Variants in PUS7 observed in about 807,000 individuals in gnomAD.
The protein encoded by PUS7 is pseudouridylate synthase 7 homolog.
In PUS7, 48 loss-of-function variants were observed where a neutral mutation model predicts 79.8. That is an observed-to-expected ratio of 0.60 (90% CI 0.48 to 0.76). The LOEUF is 0.76. Among genes scored for constraint, PUS7 ranks in the 30% least tolerant of loss-of-function variants. The probability of loss-of-function intolerance (pLI) is 0.00; values close to 1 mark genes in which losing one functional copy is unlikely to be tolerated. For synonymous variants in PUS7, 286 were observed against 272.2 expected, an observed-to-expected ratio of 1.05 and a Z score of -0.50; for missense variants, 729 against 797.6, an observed-to-expected ratio of 0.91 and a Z score of 1.04.
At chr7:105,520,541 A>C (rs1226831186) in intron 1 of PUS7, among the ~76,000 whole-genome samples, 1 of 149,824 alleles carries the variant, frequency 6.7e-6, no homozygotes, top group Non-Finnish European at 1.5e-5. Flanking sequence ...TAAATAAATA[A>C]ATAAATAAAT....
intron 5 of PUS7, among the ~76,000 whole-genome samples, chr7:105,497,300 C>T (rs1825077736): frequency 6.6e-6 from 1 of 152,134 alleles, no homozygotes; most frequent in Non-Finnish European, 1.5e-5. Context: ...GTAAATGCTT[C>T]CCCAAAAAGA....
chr7:105,483,769 T>A (rs768010755), intron 7 of PUS7, among the ~76,000 whole-genome samples: 10 of 152,180 alleles, frequency 6.6e-5, no homozygotes, highest in Non-Finnish European at 1.5e-4. Context: ...GTGTTGGGAT[T>A]ACAGCCATGA....
intron 12 of PUS7, among the ~76,000 whole-genome samples, chr7:105,468,036 G>C (rs945383581): frequency 1.3e-5 from 2 of 151,464 alleles, no homozygotes; most frequent in African/African-American, 4.9e-5. Flanking sequence ...GGGTTCAAGC[G>C]ATTCTTCTGC....
intron 1 of PUS7, among the ~76,000 whole-genome samples, chr7:105,515,791 TTTTATTTATTTA>T (rs57686149): frequency 1.6e-5 from 2 of 121,240 alleles, no homozygotes; most frequent in African/African-American, 6.4e-5. Flanking sequence ...TTTTATTTTA[TTTTATTTATTTA>T]TTTATTTATT....
chr7:105,495,333 T>C (rs1032998882), intron 5 of PUS7, 80 bp from the exon 6 acceptor site: 5 of 802,300 alleles, frequency 6.2e-6, no homozygotes, highest in Non-Finnish European at 1.0e-5. Context: ...CTATAGAACC[T>C]TTGAGTGGAA....
At chr7:105,464,389 G>T (rs1823553872) in intron 13 of PUS7, among the ~76,000 whole-genome samples, 1 of 152,188 alleles carries the variant, frequency 6.6e-6, no homozygotes, top group Admixed American at 6.5e-5. Context: ...AGCTGTGTCG[G>T]TGAGGGTGTT....
At chr7:105,517,340 T>C (rs1442023833) in intron 1 of PUS7, among the ~76,000 whole-genome samples, 1 of 151,906 alleles carries the variant, frequency 6.6e-6, no homozygotes, top group East Asian at 1.9e-4. Context: ...TTTGTATTTT[T>C]AGTAGAGACG....
At chr7:105,499,452 A>T (rs370765454) in intron 5 of PUS7, among the ~76,000 whole-genome samples, 6 of 152,284 alleles carry the variant, frequency 3.9e-5, no homozygotes, top group African/African-American at 1.2e-4. Context: ...TTTTTTTTAC[A>T]TAAGTCTTTA....
chr7:105,485,268 G>T (rs893416073), intron 7 of PUS7, among the ~76,000 whole-genome samples: 1 of 152,184 alleles, frequency 6.6e-6, no homozygotes, highest in Non-Finnish European at 1.5e-5. Flanking sequence ...GGAGCGCAAT[G>T]GCGCGATCTT....
At chr7:105,459,134 A>T in intron 15 of PUS7, 34 bp downstream of exon 15, 1 of 1,353,494 alleles carries the variant, frequency 7.4e-7, no homozygotes, top group Non-Finnish European at 1.0e-6. Context: ...AACATTTCAA[A>T]GTCAACACAG....
At chr7:105,469,812 C>T (rs143881655) in intron 11 of PUS7, among the ~76,000 whole-genome samples, 2 of 152,242 alleles carry the variant, frequency 1.3e-5, no homozygotes, top group East Asian at 1.9e-4. Flanking sequence ...AGGTTGGTCT[C>T]GAACTCCTAG....
intron 7 of PUS7, among the ~76,000 whole-genome samples, chr7:105,488,132 C>G (rs1168668505): frequency 6.6e-6 from 1 of 152,042 alleles, no homozygotes; most frequent in Non-Finnish European, 1.5e-5. Flanking sequence ...ATAAAGGCAG[C>G]AAAAATCTGA....
At chr7:105,521,560 G>C (rs1460011818) in intron 1 of PUS7, among the ~76,000 whole-genome samples, 1 of 152,238 alleles carries the variant, frequency 6.6e-6, no homozygotes, top group East Asian at 1.9e-4. Flanking sequence ...TAGGCTCCCA[G>C]TGAGCGGCGA....
chr7:105,499,753 G>A lies in PUS7; in HGVS notation c.730+2667C>T, dbSNP rs553123600. On this transcript the variant is annotated intron_variant, in intron 5 of 15. Coordinates refer to ENST00000469408, the MANE Select transcript of PUS7 (RefSeq NM_019042.5). ...TTCAGGTTAAGAATATTGTGAATCTGCTAGATAATGCATAATAACAATTTC... is the reference window on the plus strand; with the variant it reads ...TTCAGGTTAAGAATATTGTGAATCTACTAGATAATGCATAATAACAATTTC... 9.9e-5 allele frequency among the ~76,000 whole-genome samples: 15 copies of A among 152,262 alleles called. No individual in the cohort carries two copies. In the South Asian group the frequency reaches 1.7e-3, roughly 17 times the overall value.
At chr7:105,475,512 T>C (rs1025584431) in intron 9 of PUS7, among the ~76,000 whole-genome samples, 6 of 151,710 alleles carry the variant, frequency 4.0e-5, no homozygotes, top group Non-Finnish European at 7.4e-5. Flanking sequence ...TTAGTAGAGA[T>C]GGGGTTTCAC....
At chr7:105,481,794 G>A (rs901604025) in intron 8 of PUS7, among the ~76,000 whole-genome samples, 4 of 151,192 alleles carry the variant, frequency 2.6e-5, no homozygotes, top group African/African-American at 4.9e-5. Context: ...GCAGTGGAGC[G>A]ATCTCGGCTC....
Position 105,506,265 on chromosome 7 carries a change from T to C in PUS7, c.407A>G (p.Asp136Gly). ...TTTTCCTATTTCATGAACAACGAAGTCGGAGTATCTGATGAAAGAAAACAT... is the reference window on the plus strand; with the variant it reads ...TTTTCCTATTTCATGAACAACGAAGCCGGAGTATCTGATGAAAGAAAACAT... ...FSGILKERYS[D>G]FVVHEIGKDG... The change falls in exon 3 of 16, where the codon GAC becomes GGC. Residue 136 changes from aspartate (D) to glycine (G), a missense_variant. Transcript: ENST00000469408. 1 of 1,610,108 alleles carries C rather than the reference T, an allele frequency of 6.2e-7. No individual in the cohort carries two copies. The highest frequency in any genetic ancestry group is 1.3e-5 in the African/African-American group (1 of 74,912).
chr7:105,457,843 T>G lies in PUS7; in HGVS notation c.1933A>C (p.Met645Leu), dbSNP rs1392624427. ...ATMAIREVLK[M>L]DTSIKNQTQL... ...GTCTGGTTCTTGATACTGGTATCCATTTTTAGCACTTCTCGAATGGCCATG... is the reference window on the plus strand; with the variant it reads ...GTCTGGTTCTTGATACTGGTATCCAGTTTTAGCACTTCTCGAATGGCCATG... The change falls in exon 16 of 16, where the codon ATG becomes CTG. Residue 645 changes from methionine to leucine, a missense_variant. Coordinates refer to ENST00000469408, the MANE Select transcript of PUS7 (RefSeq NM_019042.5). 2 of 1,613,972 alleles carry G rather than the reference T, an allele frequency of 1.2e-6. No homozygotes were observed. Among genetic ancestry groups the G allele is most frequent in the Non-Finnish European group, 1.7e-6 (2 of 1,179,982 alleles).
intron 13 of PUS7, 117 bp from the exon 14 acceptor site, chr7:105,462,867 C>A: frequency 1.1e-6 from 1 of 951,594 alleles, no homozygotes; most frequent in African/African-American, 1.7e-5. Context: ...TAAAATTAGT[C>A]ACCTTAATTT....
Sources: gnomAD v4.1 joint callset for allele counts (sites outside exome capture counted in the v4.1 genomes callset) on GRCh38, gnomAD v4.1.1 for gene constraint, MANE v1.5 for transcripts, NCBI Gene and HGNC (gene_info 2026-07-23, HGNC 2026-07-21) for gene names.